GALNT13: variants seen among roughly 807,000 people sequenced by gnomAD.
GALNT13 encodes polypeptide N-acetylgalactosaminyltransferase 13.
In GALNT13, 28 loss-of-function variants were observed where a neutral mutation model predicts 64.2. The ratio of observed to expected loss-of-function variants is 0.44; its 90% CI spans 0.32 to 0.60. The LOEUF is 0.60. Among genes scored for constraint, GALNT13 ranks in the 20% least tolerant of loss-of-function variants. GALNT13 has a pLI of 0.05. For missense variants in GALNT13, 577 were observed against 669.8 expected (o/e 0.86, Z 1.53); for synonymous variants, 214 against 224.6 (o/e 0.95, Z 0.42).
chr2:154,314,135 T>C (rs1296900118), intron 9 of GALNT13, among the ~76,000 whole-genome samples: 1 of 152,212 alleles, frequency 6.6e-6, no homozygotes, highest in Non-Finnish European at 1.5e-5. Context: ...TTCAAGTACA[T>C]ACGGAGGCTT....
chr2:153,228,884 A>T, the GALNT13 span, among the ~76,000 whole-genome samples: 4 of 151,618 alleles, frequency 2.6e-5, no homozygotes, highest in Admixed American at 2.6e-4. Context: ...AAAAAAAAAA[A>T]AAAAAAAAAA....
intron 3 of GALNT13, among the ~76,000 whole-genome samples, chr2:154,134,290 C>T (rs192882193): frequency 3.4e-4 from 51 of 152,228 alleles, no homozygotes; most frequent in South Asian, 3.3e-3. Flanking sequence ...AGTTATCTTA[C>T]CTGAAAGTTG....
chr2:154,014,030 T>A (rs1696827672), intron 3 of GALNT13, among the ~76,000 whole-genome samples: 1 of 152,086 alleles, frequency 6.6e-6, no homozygotes, highest in Non-Finnish European at 1.5e-5. Context: ...AGGCTGGGGC[T>A]CCAGGAGAAG....
the GALNT13 span, among the ~76,000 whole-genome samples, chr2:153,750,175 C>T: frequency 0.012 from 1,887 of 151,856 alleles, 37 homozygotes; most frequent in African/African-American, 0.042. Flanking sequence ...CAGAAATAAT[C>T]CCCCTTGTTC....
chr2:153,948,911 G>A (rs562340444), intron 3 of GALNT13, among the ~76,000 whole-genome samples: 1 of 152,208 alleles, frequency 6.6e-6, no homozygotes, highest in African/African-American at 2.4e-5. Context: ...TAATACCTCG[G>A]TGATGAATAA....
chr2:153,089,784 G>A, the GALNT13 span, among the ~76,000 whole-genome samples: 14,523 of 151,948 alleles, frequency 0.096, 771 homozygotes, highest in Non-Finnish European at 0.12. Context: ...TAGAAGTTGT[G>A]ATTGTTTTTT....
the GALNT13 span, among the ~76,000 whole-genome samples, chr2:153,854,975 T>G: frequency 6.6e-6 from 1 of 152,156 alleles, no homozygotes; most frequent in African/African-American, 2.4e-5. Flanking sequence ...TGTAATGATA[T>G]AAATTCCATA....
chr2:154,394,081 A>AAAAAAAG (rs1698942566), intron 9 of GALNT13, among the ~76,000 whole-genome samples: 1 of 141,794 alleles, frequency 7.1e-6, no homozygotes, highest in African/African-American at 2.7e-5. Flanking sequence ...CCGTCTCAAA[A>AAAAAAAG]AAAAAAAAAA....
chr2:153,761,849 G>A, the GALNT13 span: 1 of 154,662 alleles, frequency 6.5e-6, no homozygotes, highest in South Asian at 2.0e-4. Flanking sequence ...ATTTTAACCA[G>A]CTGTCTGTCC....
At chr2:153,807,556 T>C in the GALNT13 span, among the ~76,000 whole-genome samples, 1 of 152,042 alleles carries the variant, frequency 6.6e-6, no homozygotes, top group Non-Finnish European at 1.5e-5. Flanking sequence ...CATCATTAGT[T>C]TAAAATATAG....
the GALNT13 span, among the ~76,000 whole-genome samples, chr2:153,716,520 A>G: frequency 6.6e-6 from 1 of 152,158 alleles, no homozygotes; most frequent in African/African-American, 2.4e-5. Flanking sequence ...CAAGGCAGCT[A>G]GTAATGACAT....
intron 11 of GALNT13, among the ~76,000 whole-genome samples, chr2:154,415,661 T>C (rs892648471): frequency 1.4e-4 from 22 of 152,186 alleles, no homozygotes; most frequent in African/African-American, 4.6e-4. Context: ...TCTAATCTTA[T>C]GACAGGTGTA....
chr2:154,312,429 A>G (rs1031908700), intron 9 of GALNT13, among the ~76,000 whole-genome samples: 2 of 152,028 alleles, frequency 1.3e-5, no homozygotes, highest in African/African-American at 4.8e-5. Flanking sequence ...TTTTATTCGT[A>G]TGCTTTGTTC....
the GALNT13 span, among the ~76,000 whole-genome samples, chr2:153,682,381 A>G: frequency 6.6e-6 from 1 of 151,700 alleles, no homozygotes; most frequent in African/African-American, 2.4e-5. Flanking sequence ...TTGGCCATCA[A>G]GTTTACACAG....
At chr2:154,352,112 T>C (rs1291524184) in intron 9 of GALNT13, among the ~76,000 whole-genome samples, 1 of 152,230 alleles carries the variant, frequency 6.6e-6, no homozygotes, top group Non-Finnish European at 1.5e-5. Context: ...TTGGTTGCAA[T>C]GTTCATAATA....
chr2:153,149,565 A>G, the GALNT13 span, among the ~76,000 whole-genome samples: 3 of 151,826 alleles, frequency 2.0e-5, no homozygotes, highest in Non-Finnish European at 4.4e-5. Context: ...TCAATGTTTC[A>G]AGATAGAAGA....
At chr2:153,725,628 G>A in the GALNT13 span, among the ~76,000 whole-genome samples, 1 of 151,970 alleles carries the variant, frequency 6.6e-6, no homozygotes, top group African/African-American at 2.4e-5. Flanking sequence ...TTGGAAAAAT[G>A]TAAAGTTTAT....
the GALNT13 span, among the ~76,000 whole-genome samples, chr2:153,080,440 A>G: frequency 6.6e-6 from 1 of 152,110 alleles, no homozygotes; most frequent in Admixed American, 6.5e-5. Context: ...GTTGTTTAAT[A>G]CCATGCTTTT....
At chr2:153,929,681 AT>A (rs1690377231) in intron 2 of GALNT13, among the ~76,000 whole-genome samples, 1 of 152,076 alleles carries the variant, frequency 6.6e-6, no homozygotes, top group African/African-American at 2.4e-5. Flanking sequence ...ACACGGTTTC[AT>A]TCTTTTTATG....
Sources: gnomAD v4.1 joint callset for allele counts (sites outside exome capture counted in the v4.1 genomes callset) on GRCh38, gnomAD v4.1.1 for gene constraint, MANE v1.5 for transcripts, NCBI Gene and HGNC (gene_info 2026-07-23, HGNC 2026-07-21) for gene names.